RSU1: variants seen among roughly 807,000 people sequenced by gnomAD.
RSU1 encodes rsu-1.
Under a neutral mutation model 31.1 loss-of-function variants are expected in RSU1, and 26 were observed. That is an observed-to-expected ratio of 0.84 (90% CI 0.61 to 1.16). RSU1 has a LOEUF of 1.16. Ranked by LOEUF, RSU1 falls within the 50% of genes most tolerant of loss-of-function variation. The pLI is 0.00. For missense variants in RSU1, 320 were observed against 339.1 expected, an observed-to-expected ratio of 0.94 and a Z score of 0.44; for synonymous variants, 164 against 136.3, an observed-to-expected ratio of 1.20 and a Z score of -1.41.
In RSU1 at chr10:16,614,735, CAATA is replaced by C. The variant is rs567517770; in HGVS notation, c.732-21243_732-21240del. Reference sequence around the variant, plus strand: ...AAAGCAAGCTGCCTTAGATGACAGACAATAAATAGACTTACCCCAAATTCAAGAG... The same window carrying C: ...AAAGCAAGCTGCCTTAGATGACAGACAATAGACTTACCCCAAATTCAAGAG... On this transcript the variant is annotated intron_variant, in intron 8 of 8. Coordinates refer to ENST00000345264, the MANE Select transcript of RSU1 (RefSeq NM_012425.4). Among the ~76,000 whole-genome samples the C allele has an allele frequency of 5.1e-3, 774 of 152,124 alleles. 3 individuals are homozygous for C. The highest frequency in any genetic ancestry group is 0.018 in the African/African-American group (742 of 41,498).
At chr10:16,660,213 C>T (rs537721317) in intron 8 of RSU1, among the ~76,000 whole-genome samples, 15 of 152,282 alleles carry the variant, frequency 9.9e-5, no homozygotes, top group East Asian at 5.8e-4. Context: ...CTTGGGCTTC[C>T]GAAGCTCAGG....
chr10:16,716,063 T>C (rs989132583), intron 7 of RSU1, among the ~76,000 whole-genome samples: 4 of 152,232 alleles, frequency 2.6e-5, no homozygotes, highest in Admixed American at 2.0e-4. Context: ...TAAGTATATG[T>C]TGAACAAATC....
intron 2 of RSU1, among the ~76,000 whole-genome samples, chr10:16,805,530 G>C (rs1351117298): frequency 6.6e-6 from 1 of 151,820 alleles, no homozygotes; most frequent in Non-Finnish European, 1.5e-5. Context: ...AAAAAAGTTA[G>C]CCAGGCGTTG....
intron 4 of RSU1, among the ~76,000 whole-genome samples, chr10:16,757,263 A>C (rs1201320686): frequency 2.6e-5 from 4 of 152,170 alleles, no homozygotes; most frequent in Non-Finnish European, 4.4e-5. Flanking sequence ...AAAATTTAAT[A>C]AAAGTTGACA....
chr10:16,612,968 T>C (rs139178908), intron 8 of RSU1, among the ~76,000 whole-genome samples: 32 of 152,250 alleles, frequency 2.1e-4, no homozygotes, highest in Middle Eastern at 3.4e-3. Flanking sequence ...GTTCACAGTA[T>C]GGTTCTCCAG....
chr10:16,646,992 T>TG (rs796777095), intron 8 of RSU1, among the ~76,000 whole-genome samples: 8,889 of 151,098 alleles, frequency 0.059, 896 homozygotes, highest in African/African-American at 0.2. Flanking sequence ...TTTTTTTTTT[T>TG]TTTTGAGATG....
intron 8 of RSU1, among the ~76,000 whole-genome samples, chr10:16,639,857 C>G (rs929363485): frequency 6.6e-6 from 1 of 152,208 alleles, no homozygotes; most frequent in African/African-American, 2.4e-5. Flanking sequence ...TTTGGTTTAG[C>G]ACCTAGAAAC....
intron 2 of RSU1, among the ~76,000 whole-genome samples, chr10:16,796,174 G>A (rs535600243): frequency 6.6e-6 from 1 of 152,112 alleles, no homozygotes; most frequent in Non-Finnish European, 1.5e-5. Flanking sequence ...ATTTGGTCTC[G>A]TAGGCAGCTC....
chr10:16,782,239 C>T (rs74116716), intron 2 of RSU1, among the ~76,000 whole-genome samples, 155 bp from the exon 3 acceptor site: 5,308 of 152,296 alleles, frequency 0.035, 284 homozygotes, highest in African/African-American at 0.12. Context: ...GTAACACGAT[C>T]TATTCAATGT....
intron 8 of RSU1, among the ~76,000 whole-genome samples, chr10:16,690,594 C>A (rs577478303): frequency 3.3e-4 from 51 of 152,328 alleles, no homozygotes; most frequent in East Asian, 2.1e-3. Flanking sequence ...TGTTGACACA[C>A]TGAATTCATT....
chr10:16,745,830 T>C (rs1836841292), intron 7 of RSU1, among the ~76,000 whole-genome samples: 1 of 152,192 alleles, frequency 6.6e-6, no homozygotes, highest in South Asian at 2.1e-4. Context: ...ACCTCTATCC[T>C]CTACTGTTTA....
chr10:16,710,384 T>C (rs1234698119), intron 7 of RSU1, among the ~76,000 whole-genome samples: 2 of 152,256 alleles, frequency 1.3e-5, no homozygotes. Flanking sequence ...ATCTTTTTAA[T>C]GTGCTGCTGG....
chr10:16,757,519 C>G (rs1213340397), intron 4 of RSU1, among the ~76,000 whole-genome samples: 1 of 152,214 alleles, frequency 6.6e-6, no homozygotes, highest in African/African-American at 2.4e-5. Flanking sequence ...CAAACATTCT[C>G]CATGAAGTCA....
intron 7 of RSU1, chr10:16,727,119 G>A (rs1348865972): frequency 1.1e-5 from 5 of 456,468 alleles, no homozygotes; most frequent in Admixed American, 9.4e-5. Flanking sequence ...TTGCCAAGAT[G>A]CCTACCACAA....
At chr10:16,809,746 T>C (rs1471727485) in intron 2 of RSU1, among the ~76,000 whole-genome samples, 3 of 152,206 alleles carry the variant, frequency 2.0e-5, no homozygotes, top group African/African-American at 4.8e-5. Flanking sequence ...TGTGAATTTA[T>C]GAATAAATAA....
chr10:16,811,885 T>C (rs1163674429), intron 2 of RSU1, among the ~76,000 whole-genome samples: 3 of 152,142 alleles, frequency 2.0e-5, no homozygotes. Context: ...CCAAGTACTA[T>C]GCCAAGTAGA....
At chr10:16,731,180 C>G (rs565512118) in intron 7 of RSU1, among the ~76,000 whole-genome samples, 1 of 152,074 alleles carries the variant, frequency 6.6e-6, no homozygotes, top group African/African-American at 2.4e-5. Flanking sequence ...CCATCATCTA[C>G]TAGTTAATTT....
chr10:16,660,643 C>CTTTTTT (rs1483500175), intron 8 of RSU1, among the ~76,000 whole-genome samples: 59 of 47,542 alleles, frequency 1.2e-3, no homozygotes, highest in Non-Finnish European at 1.6e-3. Context: ...TTCTTGAACT[C>CTTTTTT]TCTTTTTTTT....
intron 8 of RSU1, among the ~76,000 whole-genome samples, chr10:16,652,640 A>G (rs972498004): frequency 1.3e-5 from 2 of 152,202 alleles, no homozygotes; most frequent in Admixed American, 6.5e-5. Context: ...TGGCAAATGT[A>G]TAAGTTTATT....
Sources: gnomAD v4.1 joint callset for allele counts (sites outside exome capture counted in the v4.1 genomes callset) on GRCh38, gnomAD v4.1.1 for gene constraint, MANE v1.5 for transcripts, NCBI Gene and HGNC (gene_info 2026-07-23, HGNC 2026-07-21) for gene names.